Variants in NCALD observed in about 807,000 individuals in gnomAD.
NCALD encodes neurocalcin delta, also known as neurocalcin-delta.
NCALD carries 10 observed loss-of-function variants against 18.6 expected under a neutral mutation model. That is an observed-to-expected ratio of 0.54 (90% CI 0.33 to 0.91). The LOEUF (loss-of-function observed/expected upper bound fraction) is 0.91, where lower values mean the gene tolerates loss of function less well. Ranked by LOEUF, NCALD falls within the 40% of genes least tolerant of loss-of-function variation. The pLI, the probability that NCALD is intolerant of heterozygous loss-of-function variation, is 0.03. For missense variants in NCALD, 184 were observed against 247.6 expected (o/e 0.74, Z 1.72); for synonymous variants, 88 against 87.4 (o/e 1.01, Z -0.04).
rs115223233 is a variant in NCALD at position 101,983,756 on chromosome 8, C to T, written c.-157+36481G>A. ...TGGTTGAGGTTTGCCAATGGAACTCCTTGGCAGGTGATCAGAAAGAAGAGG... is the reference window on the plus strand; with the variant it reads ...TGGTTGAGGTTTGCCAATGGAACTCTTTGGCAGGTGATCAGAAAGAAGAGG... On this transcript the variant is annotated intron_variant, in intron 2 of 6. Transcript: ENST00000311028. Among the ~76,000 whole-genome samples, 1,355 of 152,234 alleles carry T rather than the reference C, an allele frequency of 8.9e-3. 19 individuals are homozygous for T. The highest frequency in any genetic ancestry group is 0.031 in the African/African-American group (1,302 of 41,514).
At chr8:102,052,339 T>A (rs1373334597) in intron 1 of NCALD, among the ~76,000 whole-genome samples, 5 of 152,168 alleles carry the variant, frequency 3.3e-5, no homozygotes. Context: ...ACATTTTATC[T>A]AATGCATTAG....
At chr8:101,889,930 G>A (rs1279524595) in intron 3 of NCALD, among the ~76,000 whole-genome samples, 2 of 152,214 alleles carry the variant, frequency 1.3e-5, no homozygotes, top group Non-Finnish European at 2.9e-5. Context: ...AGAAAATACA[G>A]GGAAACATCC....
At chr8:101,725,736 G>A (rs2130515915) in intron 1 of NCALD, among the ~76,000 whole-genome samples, 1 of 152,352 alleles carries the variant, frequency 6.6e-6, no homozygotes, top group South Asian at 2.1e-4. Context: ...TGGCGTCCAA[G>A]TAAGCAAGCC....
At chr8:102,074,628 C>G (rs1055499529) in intron 1 of NCALD, among the ~76,000 whole-genome samples, 3 of 152,132 alleles carry the variant, frequency 2.0e-5, no homozygotes, top group Admixed American at 6.5e-5. Flanking sequence ...TTATGGCCAT[C>G]AACCCTGACT....
At chr8:101,871,090 G>A (rs760160284) in intron 4 of NCALD, among the ~76,000 whole-genome samples, 2 of 152,060 alleles carry the variant, frequency 1.3e-5, no homozygotes, top group African/African-American at 2.4e-5. Context: ...TGCTCTGAGC[G>A]CAATTTAATT....
At chr8:101,921,548 T>C (rs965645164) in intron 2 of NCALD, among the ~76,000 whole-genome samples, 1 of 152,130 alleles carries the variant, frequency 6.6e-6, no homozygotes, top group Admixed American at 6.6e-5. Flanking sequence ...AAGCACTTAA[T>C]GGAGAATTGA....
chr8:101,694,839 G>A lies in NCALD; in HGVS notation c.379-1943C>T, dbSNP rs556422867. ...GTTCTTGGGGGAGCTAGGAAAGGCC[G>A]GAGAGATGGAGCTGTTTTTGCAAAT... On this transcript the variant is annotated intron_variant, in intron 2 of 3. Transcript: ENST00000220931. 1.5e-4 allele frequency among the ~76,000 whole-genome samples: 23 copies of A among 152,252 alleles called. No individual in the cohort carries two copies. The South Asian group carries it at 2.7e-3, about 18-fold the overall frequency.
intron 4 of NCALD, among the ~76,000 whole-genome samples, chr8:101,819,823 C>T (rs1029553339): frequency 1.3e-5 from 2 of 152,170 alleles, no homozygotes; most frequent in Non-Finnish European, 2.9e-5. Flanking sequence ...GGAGAGAACC[C>T]ACTGTCCTAC....
intron 2 of NCALD, among the ~76,000 whole-genome samples, chr8:101,978,030 C>T (rs540667605): frequency 6.6e-6 from 1 of 151,592 alleles, no homozygotes. Flanking sequence ...AGCCCCTTGT[C>T]CCCTCTCAGC....
intron 1 of NCALD, among the ~76,000 whole-genome samples, chr8:102,090,451 G>A (rs1251160070): frequency 6.6e-6 from 1 of 152,154 alleles, no homozygotes; most frequent in East Asian, 1.9e-4. Flanking sequence ...TTCGGAGACT[G>A]TGAGATTAGA....
At chr8:101,916,961 A>G in intron 2 of NCALD, among the ~76,000 whole-genome samples, 1 of 152,052 alleles carries the variant, frequency 6.6e-6, no homozygotes, top group East Asian at 1.9e-4. Flanking sequence ...CTAATAAAGA[A>G]TATCTGGACT....
At chr8:101,930,573 C>T (rs1003387947) in intron 2 of NCALD, among the ~76,000 whole-genome samples, 3 of 151,910 alleles carry the variant, frequency 2.0e-5, no homozygotes, top group African/African-American at 7.3e-5. Flanking sequence ...CCTCCCTCGT[C>T]ACCCTAAATG....
Position 101,843,020 on chromosome 8 carries a change from A to G in NCALD, c.-20+44121T>C, listed in dbSNP as rs151153760. Among the ~76,000 whole-genome samples, 476 of 152,342 alleles carry G rather than the reference A, an allele frequency of 3.1e-3. 3 individuals carry two copies. The highest frequency in any genetic ancestry group is 3.5e-3 in the Non-Finnish European group (235 of 68,042). ...ACAGCCATCCCCATGGTGTTCCCCT[A>G]TCCTACTGATTAGCTATTACAATAC... On this transcript the variant is annotated intron_variant, in intron 4 of 6. Transcript: ENST00000311028.
At chr8:101,855,789 G>A (rs1029937793) in intron 4 of NCALD, among the ~76,000 whole-genome samples, 1 of 152,134 alleles carries the variant, frequency 6.6e-6, no homozygotes, top group Non-Finnish European at 1.5e-5. Context: ...AACCAACAAT[G>A]AGAAGCCAGA....
intron 1 of NCALD, among the ~76,000 whole-genome samples, chr8:101,767,043 T>C (rs16868374): frequency 0.019 from 2,914 of 152,326 alleles, 107 homozygotes; most frequent in East Asian, 0.11. Context: ...CCTGCTATCA[T>C]TTTATTCTCA....
intron 4 of NCALD, among the ~76,000 whole-genome samples, chr8:101,823,657 G>A (rs1205339634): frequency 1.1e-4 from 16 of 152,112 alleles, no homozygotes; most frequent in Admixed American, 9.8e-4. Context: ...TTACAGGTCT[G>A]ATGAGCTCTC....
intron 1 of NCALD, among the ~76,000 whole-genome samples, chr8:102,055,789 G>A (rs1359534618): frequency 6.6e-6 from 1 of 152,216 alleles, no homozygotes; most frequent in Admixed American, 6.5e-5. Context: ...GAAGTAAACT[G>A]AAATCGAATT....
At chr8:102,003,879 C>G (rs1392733255) in intron 2 of NCALD, among the ~76,000 whole-genome samples, 1 of 152,122 alleles carries the variant, frequency 6.6e-6, no homozygotes, top group Non-Finnish European at 1.5e-5. Context: ...GGACGTATCT[C>G]AAAATAATAA....
At chr8:101,860,105 G>C (rs1181714250) in intron 4 of NCALD, among the ~76,000 whole-genome samples, 4 of 152,154 alleles carry the variant, frequency 2.6e-5, no homozygotes, top group African/African-American at 7.2e-5. Flanking sequence ...AATGTTAAGA[G>C]GAAATGATTT....
Sources: allele counts gnomAD v4.1 joint callset (sites outside exome capture counted in the v4.1 genomes callset), GRCh38; gene constraint gnomAD v4.1.1; transcripts MANE v1.5; gene names NCBI Gene and HGNC (gene_info 2026-07-23, HGNC 2026-07-21).